Variants in NELL1 observed in about 807,000 individuals in gnomAD.
The protein encoded by NELL1 is neural EGFL like 1.
A neutral mutation model predicts 107.4 loss-of-function variants in NELL1; 76 were observed. That is an observed-to-expected ratio of 0.71 (90% CI 0.59 to 0.86). The LOEUF is 0.86. NELL1 is among the 40% of genes least tolerant of loss of function. The pLI, the probability that NELL1 is intolerant of heterozygous loss-of-function variation, is 0.00. For missense variants in NELL1, 1,024 were observed against 1,005.5 expected (o/e 1.02, Z -0.25); for synonymous variants, 353 against 341.2 (o/e 1.03, Z -0.38).
At chr11:21,370,976 G>A (rs1187909839) in intron 15 of NELL1, 28 bp downstream of exon 15, 1 of 1,506,780 alleles carries the variant, frequency 6.6e-7, no homozygotes, top group East Asian at 2.3e-5. Context: ...ATGGGGGATA[G>A]GGACAAAGAT....
intron 15 of NELL1, among the ~76,000 whole-genome samples, chr11:21,391,230 T>C (rs1226486074): frequency 2.0e-5 from 3 of 151,830 alleles, no homozygotes; most frequent in Admixed American, 6.6e-5. Flanking sequence ...AAACTTAATA[T>C]TGTCCTATTC....
chr11:21,275,137 A>G (rs1351309263), intron 14 of NELL1, among the ~76,000 whole-genome samples: 1 of 152,178 alleles, frequency 6.6e-6, no homozygotes, highest in Non-Finnish European at 1.5e-5. Flanking sequence ...AGATCAACAA[A>G]ATTCATAGAC....
chr11:20,993,289 C>T (rs937286764), intron 12 of NELL1, among the ~76,000 whole-genome samples: 2 of 152,156 alleles, frequency 1.3e-5, no homozygotes, highest in Admixed American at 1.3e-4. Context: ...ACACATCATT[C>T]ACCACAATGG....
intron 3 of NELL1, among the ~76,000 whole-genome samples, chr11:20,795,368 G>A (rs373266854): frequency 8.1e-4 from 123 of 152,290 alleles, no homozygotes; most frequent in Middle Eastern, 3.4e-3. Flanking sequence ...TGGGTACTCT[G>A]TTATTAATTC....
intron 3 of NELL1, among the ~76,000 whole-genome samples, chr11:20,820,090 G>A (rs1857717072): frequency 6.6e-6 from 1 of 152,142 alleles, no homozygotes; most frequent in Non-Finnish European, 1.5e-5. Context: ...CAAATTTCTG[G>A]TTACAGGAAT....
chr11:20,929,005 C>T (rs1047140136), intron 9 of NELL1, among the ~76,000 whole-genome samples: 1 of 152,176 alleles, frequency 6.6e-6, no homozygotes, highest in Non-Finnish European at 1.5e-5. Flanking sequence ...GTGCTGGATG[C>T]TTTAAATCTA....
At chr11:21,212,972 A>C (rs1857533538) in intron 13 of NELL1, among the ~76,000 whole-genome samples, 1 of 152,202 alleles carries the variant, frequency 6.6e-6, no homozygotes, top group South Asian at 2.1e-4. Flanking sequence ...AAGAAATTAT[A>C]AAAATGTTGT....
chr11:21,107,391 A>G (rs1361138611), intron 12 of NELL1, among the ~76,000 whole-genome samples: 1 of 152,168 alleles, frequency 6.6e-6, no homozygotes, highest in Non-Finnish European at 1.5e-5. Flanking sequence ...CCAGTTAGCC[A>G]ACACCACTGT....
intron 13 of NELL1, among the ~76,000 whole-genome samples, chr11:21,228,434 T>G (rs999842836): frequency 4.6e-5 from 7 of 152,096 alleles, no homozygotes; most frequent in Non-Finnish European, 2.9e-5. Flanking sequence ...CCTATGAAAG[T>G]GGGCTATATG....
chr11:21,305,215 T>A (rs1849581369), intron 14 of NELL1, among the ~76,000 whole-genome samples: 1 of 152,004 alleles, frequency 6.6e-6, no homozygotes, highest in South Asian at 2.1e-4. Flanking sequence ...CAATCTTTCT[T>A]GGGAAATGAC....
At chr11:20,676,760 C>T (rs1854069355) in intron 1 of NELL1, among the ~76,000 whole-genome samples, 1 of 152,180 alleles carries the variant, frequency 6.6e-6, no homozygotes, top group Admixed American at 6.5e-5. Flanking sequence ...TCCCGGTGAA[C>T]ATTCACGCAG....
At chr11:21,409,154 A>G (rs1333869226) in intron 15 of NELL1, among the ~76,000 whole-genome samples, 1 of 152,070 alleles carries the variant, frequency 6.6e-6, no homozygotes, top group Non-Finnish European at 1.5e-5. Flanking sequence ...CGGCACTATT[A>G]TCAATAGCAA....
At chr11:21,091,548 T>G (rs1024894500) in intron 12 of NELL1, among the ~76,000 whole-genome samples, 2 of 152,236 alleles carry the variant, frequency 1.3e-5, no homozygotes, top group African/African-American at 4.8e-5. Flanking sequence ...TACTGTTATC[T>G]CACCATGCTT....
intron 14 of NELL1, among the ~76,000 whole-genome samples, chr11:21,335,548 T>G (rs1850370589): frequency 6.6e-6 from 1 of 152,060 alleles, no homozygotes; most frequent in South Asian, 2.1e-4. Context: ...TGCCTTTTAT[T>G]TGTTATCTGC....
intron 13 of NELL1, among the ~76,000 whole-genome samples, chr11:21,161,223 A>T (rs1191379032): frequency 6.6e-6 from 1 of 152,088 alleles, no homozygotes; most frequent in Non-Finnish European, 1.5e-5. Flanking sequence ...TCTTTTGGTC[A>T]TCATTTCTCT....
At chr11:21,289,708 C>T (rs1849207139) in intron 14 of NELL1, among the ~76,000 whole-genome samples, 1 of 152,194 alleles carries the variant, frequency 6.6e-6, no homozygotes, top group Admixed American at 6.5e-5. Context: ...GCCAGGTGGT[C>T]TAGCTCATTG....
At chr11:20,673,842 ATT>A (rs57671375) in intron 1 of NELL1, among the ~76,000 whole-genome samples, 3 of 149,026 alleles carry the variant, frequency 2.0e-5, no homozygotes, top group Non-Finnish European at 3.0e-5. Context: ...GAAACAATAC[ATT>A]TTTTTTTTTT....
At chr11:20,789,346 C>G (rs1172154779) in intron 3 of NELL1, among the ~76,000 whole-genome samples, 1 of 152,174 alleles carries the variant, frequency 6.6e-6, no homozygotes, top group Non-Finnish European at 1.5e-5. Flanking sequence ...CTCCAGGTAC[C>G]GGCAGGGTTA....
At chr11:21,242,510 C>T (rs1025684645) in intron 14 of NELL1, among the ~76,000 whole-genome samples, 1 of 152,050 alleles carries the variant, frequency 6.6e-6, no homozygotes, top group Non-Finnish European at 1.5e-5. Flanking sequence ...TTGTTTGGTT[C>T]CAGCAGCCTC....
Sources: gnomAD v4.1 joint callset for allele counts (sites outside exome capture counted in the v4.1 genomes callset) on GRCh38, gnomAD v4.1.1 for gene constraint, MANE v1.5 for transcripts, NCBI Gene and HGNC (gene_info 2026-07-23, HGNC 2026-07-21) for gene names.